Variants in KCNG2 observed in about 807,000 individuals in gnomAD.
KCNG2 encodes voltage-gated potassium channel regulatory subunit KCNG2.
A neutral mutation model predicts 12.3 loss-of-function variants in KCNG2; 7 were observed. That is an observed-to-expected ratio of 0.57 (90% CI 0.32 to 1.07). The LOEUF is 1.07. Among genes scored for constraint, KCNG2 ranks in the 50% least tolerant of loss-of-function variants. The pLI is 0.04. For synonymous variants in KCNG2, 414 were observed against 351.4 expected, an observed-to-expected ratio of 1.18 and a Z score of -1.99; for missense variants, 703 against 726.0, an observed-to-expected ratio of 0.97 and a Z score of 0.36.
chr18:79,810,241 A>G (rs1320753125), intron 1 of KCNG2, among the ~76,000 whole-genome samples: 1 of 152,220 alleles, frequency 6.6e-6, no homozygotes, highest in Non-Finnish European at 1.5e-5. Flanking sequence ...GAGAAACTTG[A>G]AAAGGAAGCC....
chr18:79,866,115 G>A (rs1188423844), intron 3 of KCNG2, among the ~76,000 whole-genome samples: 1 of 148,238 alleles, frequency 6.7e-6, no homozygotes, highest in Non-Finnish European at 1.5e-5. Flanking sequence ...TCTGGGTGCT[G>A]AGAGGTCTGT....
intron 1 of KCNG2, among the ~76,000 whole-genome samples, chr18:79,818,772 C>T (rs1161537974): frequency 1.3e-5 from 2 of 152,194 alleles, no homozygotes; most frequent in African/African-American, 4.8e-5. Flanking sequence ...GAGGCACTTT[C>T]CAGCAGGGTG....
intron 1 of KCNG2, among the ~76,000 whole-genome samples, chr18:79,801,263 GA>G (rs1393011916): frequency 1.3e-5 from 2 of 152,276 alleles, no homozygotes; most frequent in East Asian, 3.8e-4. Context: ...TAGCGCAGAA[GA>G]CCTTTATGTT....
At chr18:79,801,194 G>A (rs531027343) in intron 1 of KCNG2, among the ~76,000 whole-genome samples, 350 of 152,376 alleles carry the variant, frequency 2.3e-3, no homozygotes, top group African/African-American at 8.0e-3. Context: ...AAGAAACCAT[G>A]CAGTATTTTA....
At chr18:79,812,603 G>C (rs940255140) in intron 1 of KCNG2, among the ~76,000 whole-genome samples, 1 of 152,252 alleles carries the variant, frequency 6.6e-6, no homozygotes, top group Non-Finnish European at 1.5e-5. Context: ...GCTCACGCCT[G>C]TAATCCCATC....
At chr18:79,865,524 G>GAA (rs1568262077) in intron 3 of KCNG2, among the ~76,000 whole-genome samples, 2 of 86,328 alleles carry the variant, frequency 2.3e-5, no homozygotes, top group African/African-American at 7.1e-5. Flanking sequence ...TGGGTGCTGA[G>GAA]GTCTGTGTGC....
intron 1 of KCNG2, among the ~76,000 whole-genome samples, chr18:79,838,291 A>G (rs746555032): frequency 1.6e-4 from 24 of 152,216 alleles, no homozygotes; most frequent in South Asian, 4.1e-4. Flanking sequence ...CTGAAATCAT[A>G]TAAGTGTTCT....
chr18:79,837,521 G>A (rs1171436763), intron 1 of KCNG2, among the ~76,000 whole-genome samples: 2 of 152,236 alleles, frequency 1.3e-5, no homozygotes, highest in African/African-American at 4.8e-5. Context: ...TCTACTAGAG[G>A]TTCTCCATGA....
chr18:79,820,128 G>C (rs2087560272), intron 1 of KCNG2, among the ~76,000 whole-genome samples: 2 of 152,230 alleles, frequency 1.3e-5, no homozygotes, highest in South Asian at 4.1e-4. Context: ...ACCCTCTGTT[G>C]GCGACACGTG....
intron 1 of KCNG2, among the ~76,000 whole-genome samples, chr18:79,798,460 C>G (rs2087381222): frequency 6.6e-6 from 1 of 152,108 alleles, no homozygotes; most frequent in Non-Finnish European, 1.5e-5. Context: ...CGCCCCGGTT[C>G]GGTTGGGGGC....
intron 1 of KCNG2, among the ~76,000 whole-genome samples, chr18:79,802,055 T>C (rs1010889885): frequency 6.6e-6 from 1 of 152,166 alleles, no homozygotes; most frequent in Non-Finnish European, 1.5e-5. Context: ...GAAATGGTGA[T>C]TTGTGGATGT....
rs140258508 is a variant in KCNG2 at position 79,887,466 on chromosome 18, G to A, written c.625-11574G>A. Among the ~76,000 whole-genome samples, 650 of 152,196 alleles carry A rather than the reference G, an allele frequency of 4.3e-3. 5 individuals carry two copies. The highest frequency in any genetic ancestry group is 0.015 in the African/African-American group (607 of 41,482). ...TCAAGGTTCACGGGTCTTGAGCTCC[G>A]GCCTGAATTTGCCAACTCCTGGTCA... On this transcript the variant is annotated intron_variant, in intron 3 of 3. Coordinates refer to ENST00000316249, the MANE Select transcript of KCNG2 (RefSeq NM_012283.2).
At chr18:79,841,791 A>G (rs1193192860) in intron 1 of KCNG2, among the ~76,000 whole-genome samples, 1 of 152,230 alleles carries the variant, frequency 6.6e-6, no homozygotes, top group Non-Finnish European at 1.5e-5. Flanking sequence ...AAATACCTTC[A>G]CAAGAACTAA....
chr18:79,815,137 GT>G (rs916478094), intron 1 of KCNG2, among the ~76,000 whole-genome samples: 3 of 152,088 alleles, frequency 2.0e-5, no homozygotes, highest in Non-Finnish European at 4.4e-5. Flanking sequence ...GTATTACGCA[GT>G]TTCCACCAAA....
chr18:79,888,694 G>A (rs953546980), intron 3 of KCNG2, among the ~76,000 whole-genome samples: 4 of 151,828 alleles, frequency 2.6e-5, no homozygotes, highest in African/African-American at 7.3e-5. Context: ...CAGACCTTTT[G>A]CCCAATTTTT....
intron 3 of KCNG2, among the ~76,000 whole-genome samples, chr18:79,880,316 C>CAAAAAAAA (rs59558361): frequency 9.9e-6 from 1 of 101,414 alleles, no homozygotes; most frequent in Non-Finnish European, 1.9e-5. Flanking sequence ...GACTCTGTCT[C>CAAAAAAAA]AAAAAAAAAA....
intron 3 of KCNG2, among the ~76,000 whole-genome samples, chr18:79,896,211 C>A (rs1568275231): frequency 6.6e-6 from 1 of 152,208 alleles, no homozygotes; most frequent in Non-Finnish European, 1.5e-5. Context: ...GGTGATCCAT[C>A]TGCCTTGGCC....
At chr18:79,885,802 T>C (rs1599430923) in intron 3 of KCNG2, among the ~76,000 whole-genome samples, 1 of 144,362 alleles carries the variant, frequency 6.9e-6, no homozygotes, top group Non-Finnish European at 1.5e-5. Flanking sequence ...GAGATGGGGA[T>C]GGGAACATAG....
chr18:79,815,589 A>C (rs1568243529), intron 1 of KCNG2, among the ~76,000 whole-genome samples: 2 of 152,188 alleles, frequency 1.3e-5, no homozygotes, highest in Non-Finnish European at 1.5e-5. Context: ...CTCAGCAAAG[A>C]CGTGACCTCG....
Sources: allele counts gnomAD v4.1 joint callset (sites outside exome capture counted in the v4.1 genomes callset), GRCh38; gene constraint gnomAD v4.1.1; transcripts MANE v1.5; gene names NCBI Gene and HGNC (gene_info 2026-07-23, HGNC 2026-07-21).